EPHA6: variants seen among roughly 807,000 people sequenced by gnomAD.
The protein encoded by EPHA6 is ephrin type-A receptor 6.
Under a neutral mutation model 112.0 loss-of-function variants are expected in EPHA6, and 50 were observed. That is an observed-to-expected ratio of 0.45 (90% CI 0.36 to 0.56). The LOEUF (loss-of-function observed/expected upper bound fraction) is 0.56. Among genes scored for constraint, EPHA6 ranks in the 20% least tolerant of loss-of-function variants. The pLI, the probability that EPHA6 is intolerant of heterozygous loss-of-function variation, is 0.00. For missense variants in EPHA6, 1,280 were observed against 1,417.4 expected, an observed-to-expected ratio of 0.90 and a Z score of 1.56; for synonymous variants, 529 against 490.7, an observed-to-expected ratio of 1.08 and a Z score of -1.03.
intron 2 of EPHA6, among the ~76,000 whole-genome samples, chr3:96,932,607 A>G (rs1010853550): frequency 2.6e-5 from 4 of 152,296 alleles, no homozygotes; most frequent in African/African-American, 9.6e-5. Context: ...TCCTGTAACC[A>G]AACCCAGGTT....
chr3:97,245,222 A>C (rs1381025601), intron 5 of EPHA6, among the ~76,000 whole-genome samples: 1 of 152,050 alleles, frequency 6.6e-6, no homozygotes, highest in Non-Finnish European at 1.5e-5. Flanking sequence ...AGGCTAGAAG[A>C]ATCAAGTTGT....
In EPHA6 at chr3:97,495,034, C is replaced by G. The variant is rs143361113; in HGVS notation, c.2200+10975C>G. ...AATCAATGTGAGAACACAGGGATAG[C>G]ACGTTTCCTGCTGTGCCTCGATTAA... is the stretch of plus-strand genomic sequence containing the variant. On this transcript the variant is annotated intron_variant, in intron 10 of 17. Coordinates refer to ENST00000389672, the MANE Select transcript of EPHA6 (RefSeq NM_001080448.3). Among the ~76,000 whole-genome samples, 25 of 152,216 alleles carry G rather than the reference C, an allele frequency of 1.6e-4. No individual in the cohort carries two copies. In the East Asian group the frequency reaches 4.6e-3, roughly 28 times the overall value.
chr3:97,686,527 C>T lies in EPHA6; in HGVS notation c.2785-33734C>T, dbSNP rs1385390845. ...AAAACCTTGTGAAATTCAAACTCTA[C>T]ATATATGCCTGATTTTATAGTGCAG... On this transcript the variant is annotated intron_variant, in intron 14 of 17. Coordinates refer to ENST00000389672, the MANE Select transcript of EPHA6 (RefSeq NM_001080448.3). Among the ~76,000 whole-genome samples, 3 of 152,178 alleles carry T rather than the reference C, an allele frequency of 2.0e-5. No homozygotes were observed. In the East Asian group the frequency reaches 5.8e-4, roughly 29 times the overall value.
intron 10 of EPHA6, among the ~76,000 whole-genome samples, chr3:97,515,872 GA>G (rs938964328): frequency 1.2e-4 from 18 of 150,056 alleles, no homozygotes; most frequent in Non-Finnish European, 2.2e-4. Context: ...TGTGTGATTT[GA>G]AAAAAAATGA....
chr3:97,114,239 A>G (rs1211284857), intron 3 of EPHA6, among the ~76,000 whole-genome samples: 3 of 152,180 alleles, frequency 2.0e-5, no homozygotes, highest in Admixed American at 2.0e-4. Context: ...TTCTAATAAT[A>G]TTTAAGTTTT....
chr3:96,959,753 C>T (rs1209668007), intron 2 of EPHA6, among the ~76,000 whole-genome samples: 4 of 151,390 alleles, frequency 2.6e-5, no homozygotes, highest in Non-Finnish European at 4.4e-5. Flanking sequence ...GTAATAAATA[C>T]ATTGCTCATG....
intron 14 of EPHA6, among the ~76,000 whole-genome samples, chr3:97,681,090 T>G (rs1227744931): frequency 6.6e-6 from 1 of 151,960 alleles, no homozygotes; most frequent in Non-Finnish European, 1.5e-5. Flanking sequence ...GAAGAGGAAT[T>G]TACAGAAGAG....
intron 5 of EPHA6, among the ~76,000 whole-genome samples, chr3:97,312,397 G>C (rs1009600805): frequency 6.6e-6 from 1 of 151,534 alleles, no homozygotes; most frequent in Non-Finnish European, 1.5e-5. Context: ...GATACAGGTT[G>C]AGCATTTTTA....
intron 1 of EPHA6, among the ~76,000 whole-genome samples, chr3:96,865,694 C>CAAAAAAAAAA (rs57565102): frequency 7.3e-5 from 6 of 82,004 alleles, no homozygotes; most frequent in Admixed American, 1.3e-4. Flanking sequence ...AAAAAACAAA[C>CAAAAAAAAAA]AAAAAAAAAA....
chr3:97,035,546 A>T (rs1400133849), intron 3 of EPHA6, among the ~76,000 whole-genome samples: 1 of 151,834 alleles, frequency 6.6e-6, no homozygotes, highest in East Asian at 1.9e-4. Flanking sequence ...TTACTTCCTT[A>T]ATGATAAAAT....
At chr3:97,254,836 G>A (rs1576780150) in intron 5 of EPHA6, among the ~76,000 whole-genome samples, 1 of 152,266 alleles carries the variant, frequency 6.6e-6, no homozygotes, top group South Asian at 2.1e-4. Context: ...CAGCAGAAAT[G>A]TTTGTTAGCT....
At position 97,420,233 on chromosome 3, in the gene EPHA6, G is replaced by A. The variant is rs75446353; in HGVS notation, c.1731+14959G>A. Among the ~76,000 whole-genome samples, 959 of 150,958 alleles carry A rather than the reference G, an allele frequency of 6.4e-3. 11 individuals carry two copies. Among genetic ancestry groups the A allele is most frequent in the Admixed American group, 0.02 (298 of 15,164 alleles). On this transcript the variant is annotated intron_variant, in intron 6 of 17. Coordinates refer to ENST00000389672, the MANE Select transcript of EPHA6 (RefSeq NM_001080448.3). ...ACTTCAAGTTATAATAATGTCACTC[G>A]TTCTCTGTGAACCCTTTGATACATC...
chr3:97,012,400 T>C (rs1259889941), intron 3 of EPHA6, among the ~76,000 whole-genome samples: 1 of 151,464 alleles, frequency 6.6e-6, no homozygotes, highest in Non-Finnish European at 1.5e-5. Context: ...CACAGTAGCA[T>C]TGACATCTCC....
At chr3:97,376,292 A>G (rs1047143406) in intron 5 of EPHA6, among the ~76,000 whole-genome samples, 13 of 152,294 alleles carry the variant, frequency 8.5e-5, no homozygotes, top group Admixed American at 8.5e-4. Flanking sequence ...TGTTAAAACT[A>G]AAGTACAGAA....
At chr3:97,495,097 C>T (rs1035962488) in intron 10 of EPHA6, among the ~76,000 whole-genome samples, 4 of 152,124 alleles carry the variant, frequency 2.6e-5, no homozygotes, top group African/African-American at 9.7e-5. Context: ...GAACAGCTGC[C>T]ACGCGCTGTT....
rs2035973282 is a variant in EPHA6 at position 97,754,325 on chromosome 3, T to A, written c.*5624T>A. On this transcript the variant is annotated 3_prime_UTR_variant, in exon 18 of 18. Transcript: ENST00000389672. ...CTGGTCTCGAACTCCCGACCTCAGGTGATCTGCCCGCCTCAGCCTCCCAAA... is the reference window on the plus strand; with the variant it reads ...CTGGTCTCGAACTCCCGACCTCAGGAGATCTGCCCGCCTCAGCCTCCCAAA... Among the ~76,000 whole-genome samples, 1 of 152,134 alleles carries A rather than the reference T, an allele frequency of 6.6e-6. No homozygotes were observed. Among genetic ancestry groups the A allele is most frequent in the African/African-American group, 2.4e-5 (1 of 41,432 alleles).
At chr3:96,960,924 T>C (rs543362217) in intron 2 of EPHA6, among the ~76,000 whole-genome samples, 2 of 152,304 alleles carry the variant, frequency 1.3e-5, no homozygotes, top group South Asian at 4.1e-4. Context: ...TTTCCACTAG[T>C]CTTGAGATCC....
intron 7 of EPHA6, among the ~76,000 whole-genome samples, chr3:97,458,418 AT>A (rs1390712967): frequency 6.6e-6 from 1 of 152,166 alleles, no homozygotes; most frequent in Non-Finnish European, 1.5e-5. Flanking sequence ...TAGTTATCTT[AT>A]ATTTGCTGGA....
chr3:96,938,323 C>G (rs2040721992), intron 2 of EPHA6, among the ~76,000 whole-genome samples: 1 of 151,956 alleles, frequency 6.6e-6, no homozygotes, highest in Admixed American at 6.6e-5. Context: ...AGGTCCTTCA[C>G]ATCCCTTGTA....
Sources: gnomAD v4.1 joint callset for allele counts (sites outside exome capture counted in the v4.1 genomes callset) on GRCh38, gnomAD v4.1.1 for gene constraint, MANE v1.5 for transcripts, NCBI Gene and HGNC (gene_info 2026-07-23, HGNC 2026-07-21) for gene names.